HPSE2: variants seen among roughly 807,000 people sequenced by gnomAD.
HPSE2 encodes the protein inactive heparanase-2.
HPSE2 carries 38 observed loss-of-function variants against 60.5 expected under a neutral mutation model. The ratio of observed to expected loss-of-function variants is 0.63; its 90% CI spans 0.48 to 0.82. HPSE2 has a LOEUF of 0.82. Ranked by LOEUF, HPSE2 falls within the 40% of genes least tolerant of loss-of-function variation. The pLI, the probability that HPSE2 is intolerant of heterozygous loss-of-function variation, is 0.00. For missense variants in HPSE2, 713 were observed against 740.4 expected (o/e 0.96, Z 0.43); for synonymous variants, 295 against 293.2 (o/e 1.01, Z -0.06).
At chr10:99,066,004 T>C (rs1399873675) in intron 3 of HPSE2, among the ~76,000 whole-genome samples, 1 of 152,190 alleles carries the variant, frequency 6.6e-6, no homozygotes, top group African/African-American at 2.4e-5. Flanking sequence ...AGGCAGAAAG[T>C]GAATAAGTAC....
At chr10:98,740,660 C>T (rs1201079601) in intron 4 of HPSE2, among the ~76,000 whole-genome samples, 1 of 152,122 alleles carries the variant, frequency 6.6e-6, no homozygotes, top group Non-Finnish European at 1.5e-5. Context: ...GAAACTTATA[C>T]TTTGTTTTTT....
chr10:99,137,087 TA>T (rs1222102510), intron 3 of HPSE2, among the ~76,000 whole-genome samples: 1 of 152,112 alleles, frequency 6.6e-6, no homozygotes, highest in Non-Finnish European at 1.5e-5. Context: ...AGCATTCCTA[TA>T]CACCAATAAT....
chr10:99,016,184 G>A (rs184305407), intron 3 of HPSE2, among the ~76,000 whole-genome samples: 21 of 152,270 alleles, frequency 1.4e-4, no homozygotes, highest in Admixed American at 1.2e-3. Flanking sequence ...TTGCATTTAA[G>A]CCTTTAATCC....
At chr10:99,007,291 T>G (rs1956916737) in intron 3 of HPSE2, among the ~76,000 whole-genome samples, 2 of 152,124 alleles carry the variant, frequency 1.3e-5, no homozygotes, top group African/African-American at 2.4e-5. Flanking sequence ...TGGGTTTTAC[T>G]GGGATAGGGC....
chr10:98,459,816 G>A, intron 11 of HPSE2, 77 bp from the exon 12 acceptor site: 3 of 1,402,300 alleles, frequency 2.1e-6, no homozygotes, highest in Non-Finnish European at 2.0e-6. Context: ...AGCCCCAGAT[G>A]GCCTGGCAGT....
intron 5 of HPSE2, among the ~76,000 whole-genome samples, chr10:98,712,301 G>T (rs1948693836): frequency 6.6e-6 from 1 of 151,756 alleles, no homozygotes. Flanking sequence ...CAAGTTTAAG[G>T]TTGAAAAAAA....
At position 98,622,433 on chromosome 10, in the gene HPSE2, C is replaced by T. The variant is rs141740982; in HGVS notation, c.1099-1725G>A. Among the ~76,000 whole-genome samples, 73 of 152,242 alleles carry T rather than the reference C, an allele frequency of 4.8e-4. No individual in the cohort carries two copies. The East Asian group carries it at 0.012, about 25-fold the overall frequency. ...GTTTGCTGTTAGTTTAGGAGTATTA[C>T]GTTAATTTAATTCTCTGCACCTGAG... On this transcript the variant is annotated intron_variant, in intron 7 of 11. Coordinates refer to ENST00000370552, the MANE Select transcript of HPSE2 (RefSeq NM_021828.5).
At chr10:99,297,416 A>T in the HPSE2 span, among the ~76,000 whole-genome samples, 1 of 152,386 alleles carries the variant, frequency 6.6e-6, no homozygotes, top group South Asian at 2.1e-4. Context: ...CTCCCATAGT[A>T]TCAGGAGAAC....
intron 2 of HPSE2, among the ~76,000 whole-genome samples, chr10:99,182,044 C>T (rs1396336172): frequency 6.6e-6 from 1 of 152,140 alleles, no homozygotes. Context: ...TAATCTTAGT[C>T]TTCTATCTTC....
At chr10:98,729,466 G>A (rs766635114) in intron 4 of HPSE2, among the ~76,000 whole-genome samples, 60 of 152,062 alleles carry the variant, frequency 3.9e-4, no homozygotes, top group African/African-American at 9.4e-4. Flanking sequence ...AAAATTAGCC[G>A]GGCGTGGTGG....
chr10:98,500,770 A>C (rs1365384952), intron 9 of HPSE2, among the ~76,000 whole-genome samples: 1 of 152,134 alleles, frequency 6.6e-6, no homozygotes, highest in Non-Finnish European at 1.5e-5. Context: ...AAATTGATAG[A>C]CCATTAGCAA....
chr10:99,017,135 G>T (rs1957161084), intron 3 of HPSE2, among the ~76,000 whole-genome samples: 1 of 152,102 alleles, frequency 6.6e-6, no homozygotes, highest in African/African-American at 2.4e-5. Flanking sequence ...TCTAGATTTT[G>T]CCCATTCAGT....
intron 2 of HPSE2, among the ~76,000 whole-genome samples, chr10:99,195,710 G>A (rs920981872): frequency 1.1e-4 from 16 of 151,494 alleles, no homozygotes; most frequent in African/African-American, 3.4e-4. Context: ...GAATTGAAGA[G>A]GACACCATAA....
In HPSE2 at chr10:98,749,930, C is replaced by CTATATATATATA. The variant is rs771032742; in HGVS notation, c.611-5886_611-5875dup. On this transcript the variant is annotated intron_variant, in intron 3 of 11. Coordinates refer to ENST00000370552, the MANE Select transcript of HPSE2 (RefSeq NM_021828.5). The stretch of plus-strand genomic sequence containing the variant: ...ATATTTTATATATATATATTAAACA[C>CTATATATATATA]TATATATATATATATATACACACAC... 9.1e-4 allele frequency among the ~76,000 whole-genome samples: 88 copies of CTATATATATATA among 96,976 alleles called. 1 individual carries two copies. Among genetic ancestry groups the CTATATATATATA allele is most frequent in the Middle Eastern group, 6.7e-3 (1 of 150 alleles). 63.6% of individuals were successfully genotyped at this position (96,976 alleles called of 152,430 possible). A position where few individuals can be genotyped will look rare whatever the true frequency, so the allele number is the denominator to read the frequency against.
intron 3 of HPSE2, among the ~76,000 whole-genome samples, chr10:98,812,341 A>G (rs891682530): frequency 2.6e-5 from 4 of 152,128 alleles, no homozygotes; most frequent in Non-Finnish European, 5.9e-5. Context: ...TTGGAAAGGG[A>G]AAGACAGGAA....
At chr10:99,100,456 G>T (rs184742894) in intron 3 of HPSE2, among the ~76,000 whole-genome samples, 1 of 152,138 alleles carries the variant, frequency 6.6e-6, no homozygotes. Flanking sequence ...AGAGTAAAAA[G>T]AAACAAATAA....
At chr10:99,161,901 G>C (rs1320343737) in intron 2 of HPSE2, among the ~76,000 whole-genome samples, 1 of 152,128 alleles carries the variant, frequency 6.6e-6, no homozygotes, top group African/African-American at 2.4e-5. Context: ...GAACCTTGAG[G>C]ACATGATACC....
chr10:99,271,113 A>G, the HPSE2 span, among the ~76,000 whole-genome samples: 127 of 152,304 alleles, frequency 8.3e-4, no homozygotes, highest in South Asian at 5.4e-3. Context: ...TCTATTCAAC[A>G]TAATACTGGA....
chr10:99,279,641 G>C, the HPSE2 span, among the ~76,000 whole-genome samples: 2 of 152,232 alleles, frequency 1.3e-5, no homozygotes, highest in African/African-American at 4.8e-5. Flanking sequence ...TGAATGCCTA[G>C]TGTACATAAG....
Sources: gnomAD v4.1 joint callset for allele counts (sites outside exome capture counted in the v4.1 genomes callset) on GRCh38, gnomAD v4.1.1 for gene constraint, MANE v1.5 for transcripts, NCBI Gene and HGNC (gene_info 2026-07-23, HGNC 2026-07-21) for gene names.